Variants in NUP210L observed in about 807,000 individuals in gnomAD.
NUP210L encodes the protein nuclear pore membrane glycoprotein 210-like.
NUP210L carries 74 observed loss-of-function variants against 208.5 expected under a neutral mutation model. The ratio of observed to expected loss-of-function variants is 0.35; its 90% CI spans 0.29 to 0.43. NUP210L has a LOEUF of 0.43. NUP210L is among the 20% of genes least tolerant of loss of function. NUP210L has a pLI of 1.00. For synonymous variants in NUP210L, 780 were observed against 816.9 expected (o/e 0.95, Z 0.77); for missense variants, 1,843 against 2,289.4 (o/e 0.81, Z 3.98).
Position 154,099,980 on chromosome 1 carries a change from T to C in NUP210L, c.1965+18A>G, listed in dbSNP as rs946959400. 3 of 1,613,360 alleles carry C rather than the reference T, an allele frequency of 1.9e-6. No homozygotes were observed. Among genetic ancestry groups the C allele is most frequent in the South Asian group, 2.2e-5 (2 of 91,050 alleles). ...TCCATTAAAAGAAATGCCAGTTCCT[T>C]ACCATGAAATATCTTACCTTTAGGG... On this transcript the variant is annotated intron_variant, in intron 14 of 39. Coordinates refer to ENST00000368559, the Ensembl canonical transcript of NUP210L.
intron 16 of NUP210L, among the ~76,000 whole-genome samples, chr1:154,076,481 T>C (rs995357376): frequency 2.0e-5 from 3 of 151,958 alleles, no homozygotes; most frequent in Non-Finnish European, 4.4e-5. Flanking sequence ...AAAAGTGCTA[T>C]CACATTACAC....
chr1:154,062,567 C>CTTTTTTTTTTTTTTTTT (rs34499821), intron 17 of NUP210L, among the ~76,000 whole-genome samples: 42 of 74,990 alleles, frequency 5.6e-4, no homozygotes, highest in Admixed American at 1.8e-3. Context: ...TTTCTTTTTC[C>CTTTTTTTTTTTTTTTTT]TTTTTTTTTT....
chr1:153,992,992 G>A (rs771356192), intron 39 of NUP210L, 23 bp downstream of exon 39: 2 of 1,611,370 alleles, frequency 1.2e-6, no homozygotes, highest in East Asian at 2.2e-5. Flanking sequence ...GCTTTTCAAA[G>A]ATGAGGACAG....
chr1:154,111,936 T>G (rs1657058646), intron 12 of NUP210L, among the ~76,000 whole-genome samples: 2 of 151,496 alleles, frequency 1.3e-5, no homozygotes, highest in Non-Finnish European at 2.9e-5. Flanking sequence ...TTTGTTTTGT[T>G]TTGTTTTTTC....
At chr1:154,070,494 A>G in intron 16 of NUP210L, 29 bp from the exon 17 acceptor site, 2 of 1,422,254 alleles carry the variant, frequency 1.4e-6, no homozygotes, top group Non-Finnish European at 1.9e-6. Context: ...TAATAAAACA[A>G]CAATTTAAAA....
chr1:154,117,900 A>T lies in NUP210L; in HGVS notation c.1465-20T>A. On this transcript the variant is annotated intron_variant, in intron 11 of 39. Transcript: ENST00000368559. Reference sequence around the variant, plus strand: ...CTCTACCTGTGAAAACACACATTACATTTAATTACAATCGGAAGAAAATAA... The same window carrying T: ...CTCTACCTGTGAAAACACACATTACTTTTAATTACAATCGGAAGAAAATAA... The T allele has an allele frequency of 6.5e-7, 1 of 1,549,910 alleles. No homozygotes were observed. Among genetic ancestry groups the T allele is most frequent in the Non-Finnish European group, 8.8e-7 (1 of 1,137,054 alleles).
chr1:154,101,305 G>A lies in NUP210L; in HGVS notation c.1820-1162C>T, dbSNP rs183399111. Reference sequence around the variant, plus strand: ...AGCCTGGCCAATATGGTGAAACCCCGTCTCTACTAAAAATACAAAAATTAG... The same window carrying A: ...AGCCTGGCCAATATGGTGAAACCCCATCTCTACTAAAAATACAAAAATTAG... On this transcript the variant is annotated intron_variant, in intron 13 of 39. Transcript: ENST00000368559. Among the ~76,000 whole-genome samples the A allele has an allele frequency of 4.8e-4, 73 of 151,770 alleles. No individual in the cohort carries two copies. The South Asian group carries it at 6.4e-3, about 13-fold the overall frequency.
intron 13 of NUP210L, among the ~76,000 whole-genome samples, chr1:154,103,769 G>A (rs572197581): frequency 6.6e-6 from 1 of 151,806 alleles, no homozygotes; most frequent in African/African-American, 2.4e-5. Context: ...CAGCTGCAAT[G>A]TTATTCAGTT....
At chr1:154,064,645 A>C (rs550139721) in intron 17 of NUP210L, among the ~76,000 whole-genome samples, 1 of 152,206 alleles carries the variant, frequency 6.6e-6, no homozygotes, top group Admixed American at 6.5e-5. Context: ...GACTATAAGT[A>C]TATGAGGGAA....
At chr1:154,119,498 G>C (rs554949139) in intron 10 of NUP210L, among the ~76,000 whole-genome samples, 4 of 152,150 alleles carry the variant, frequency 2.6e-5, no homozygotes, top group Non-Finnish European at 5.9e-5. Flanking sequence ...TGAGACAGGA[G>C]AATTGCTTGA....
At chr1:154,093,157 G>A (rs544632115) in intron 15 of NUP210L, among the ~76,000 whole-genome samples, 7 of 152,234 alleles carry the variant, frequency 4.6e-5, no homozygotes, top group African/African-American at 1.2e-4. Flanking sequence ...GGCCGGGTGC[G>A]GTGCCTCATG....
chr1:153,993,305 G>A (rs763573969), intron 38 of NUP210L, among the ~76,000 whole-genome samples: 5 of 152,146 alleles, frequency 3.3e-5, no homozygotes, highest in East Asian at 1.9e-4. Flanking sequence ...GGTGGCTCAC[G>A]CCTGTAATCG....
At chr1:154,033,265 G>A (rs1294150424) in intron 27 of NUP210L, among the ~76,000 whole-genome samples, 1 of 152,046 alleles carries the variant, frequency 6.6e-6, no homozygotes, top group African/African-American at 2.4e-5. Context: ...GATCCCATTT[G>A]TCAATTTTTG....
chr1:154,060,194 G>A (rs543560365), intron 20 of NUP210L, among the ~76,000 whole-genome samples: 4 of 152,140 alleles, frequency 2.6e-5, no homozygotes, highest in African/African-American at 9.6e-5. Flanking sequence ...AGCCGAGATC[G>A]CACCACTGCA....
chr1:154,067,838 A>G (rs2148008432), intron 17 of NUP210L, among the ~76,000 whole-genome samples: 1 of 152,330 alleles, frequency 6.6e-6, no homozygotes, highest in South Asian at 2.1e-4. Flanking sequence ...GTGAACTCCC[A>G]TTCACAATTG....
At chr1:154,116,563 T>C (rs1437489925) in intron 12 of NUP210L, among the ~76,000 whole-genome samples, 1 of 152,040 alleles carries the variant, frequency 6.6e-6, no homozygotes, top group Non-Finnish European at 1.5e-5. Context: ...ACCCTGTCTC[T>C]ACAAAAATAA....
chr1:154,062,061 C>T lies in NUP210L; in HGVS notation c.2555-387G>A, dbSNP rs370325562. ...CAGGCTGGTCTCGAATTCCTGACCT[C>T]GTGATCTGCCCGCCTCGGCCTCCCA... On this transcript the variant is annotated intron_variant, in intron 17 of 39. Transcript: ENST00000368559. Among the ~76,000 whole-genome samples the T allele has an allele frequency of 5.7e-4, 87 of 152,096 alleles. 1 individual carries two copies. Among genetic ancestry groups the T allele is most frequent in the Middle Eastern group, 6.8e-3 (2 of 294 alleles).
intron 10 of NUP210L, 100 bp downstream of exon 10, chr1:154,126,223 G>A: frequency 1.0e-6 from 1 of 979,302 alleles, no homozygotes; most frequent in Non-Finnish European, 1.5e-6. Context: ...TTTTCTGAAA[G>A]ATAAAGGTGG....
intron 4 of NUP210L, 73 bp downstream of exon 4, chr1:154,141,358 C>T: frequency 2.2e-6 from 2 of 928,318 alleles, no homozygotes; most frequent in South Asian, 1.3e-5. Flanking sequence ...CAAATGGTTG[C>T]TTGTTCAGCA....
Sources: gnomAD v4.1 joint callset for allele counts (sites outside exome capture counted in the v4.1 genomes callset) on GRCh38, gnomAD v4.1.1 for gene constraint, MANE v1.5 for transcripts, NCBI Gene and HGNC (gene_info 2026-07-23, HGNC 2026-07-21) for gene names.